Variants in WASHC4 observed in about 807,000 individuals in gnomAD.
WASHC4 encodes the protein WASH complex subunit 7.
WASHC4 carries 86 observed loss-of-function variants against 166.6 expected under a neutral mutation model. That is an observed-to-expected ratio of 0.52 (90% CI 0.43 to 0.62). The LOEUF (loss-of-function observed/expected upper bound fraction) is 0.62. Ranked by LOEUF, WASHC4 falls within the 20% of genes least tolerant of loss-of-function variation. The pLI is 0.00. For synonymous variants in WASHC4, 446 were observed against 451.6 expected (o/e 0.99, Z 0.16); for missense variants, 1,262 against 1,382.4 (o/e 0.91, Z 1.38).
intron 2 of WASHC4, among the ~76,000 whole-genome samples, chr12:105,113,436 T>C (rs1191946907): frequency 1.3e-5 from 2 of 152,032 alleles, no homozygotes; most frequent in African/African-American, 4.8e-5. Context: ...TACAATCTTA[T>C]TATATGACAG....
At chr12:105,114,916 C>A (rs1157252268) in intron 4 of WASHC4, among the ~76,000 whole-genome samples, 1 of 151,858 alleles carries the variant, frequency 6.6e-6, no homozygotes, top group African/African-American at 2.4e-5. Flanking sequence ...CTTTATTTCC[C>A]ATAAACTAAT....
chr12:105,113,630 A>G (rs866441754), intron 2 of WASHC4, among the ~76,000 whole-genome samples: 3 of 152,036 alleles, frequency 2.0e-5, no homozygotes, highest in South Asian at 4.1e-4. Flanking sequence ...TACTTGCATA[A>G]ATAGTTAGTT....
intron 8 of WASHC4, 93 bp downstream of exon 8, chr12:105,120,690 A>T: frequency 1.1e-6 from 1 of 891,148 alleles, no homozygotes; most frequent in Non-Finnish European, 1.9e-6. Flanking sequence ...AGTCATAGGA[A>T]CACTCTTAAA....
intron 7 of WASHC4, 125 bp downstream of exon 7, chr12:105,118,653 A>C (rs894614185): frequency 1.4e-6 from 1 of 717,182 alleles, no homozygotes; most frequent in East Asian, 2.7e-5. Flanking sequence ...GATATTTCAA[A>C]CACTACTTGA....
At chr12:105,136,052 C>T (rs1882289178) in intron 14 of WASHC4, among the ~76,000 whole-genome samples, 1 of 152,104 alleles carries the variant, frequency 6.6e-6, no homozygotes, top group South Asian at 2.1e-4. Context: ...GGACGGTTAG[C>T]AACCCAGGTT....
At chr12:105,114,090 G>T in intron 2 of WASHC4, 126 bp from the exon 3 acceptor site, 56 of 703,172 alleles carry the variant, frequency 8.0e-5, no homozygotes, top group East Asian at 1.2e-4. Context: ...TAGTTGATAT[G>T]GTGCTAATGT....
At chr12:105,156,561 A>G in intron 26 of WASHC4, 165 bp from the exon 27 acceptor site, 1 of 509,482 alleles carries the variant, frequency 2.0e-6, no homozygotes, top group Non-Finnish European at 3.5e-6. Context: ...GTGTAGAAAT[A>G]TGTAACAGTT....
Position 105,157,228 on chromosome 12 carries a change from T to C in WASHC4, c.2826-8T>C. Reference sequence around the variant, plus strand: ...ACCTAATAAATGCCTTCCCAAATTCTTATGTAGATTTGTTCCTGATCTTGA... The same window carrying C: ...ACCTAATAAATGCCTTCCCAAATTCCTATGTAGATTTGTTCCTGATCTTGA... On this transcript the variant is annotated splice_region_variant and splice_polypyrimidine_tract_variant and intron_variant, in intron 27 of 32. Coordinates refer to ENST00000332180, the MANE Select transcript of WASHC4 (RefSeq NM_015275.3). 1 of 1,401,840 alleles carries C rather than the reference T, an allele frequency of 7.1e-7. No homozygotes were observed. The allele number at this position is 1,401,840 out of a possible 1,614,324, so 86.8% of individuals were successfully genotyped here. A position where few individuals can be genotyped will look rare whatever the true frequency, so the allele number is the denominator to read the frequency against.
intron 32 of WASHC4, among the ~76,000 whole-genome samples, chr12:105,166,344 T>A (rs932773401): frequency 6.6e-6 from 1 of 152,200 alleles, no homozygotes; most frequent in Non-Finnish European, 1.5e-5. Context: ...AGTGAAAAGC[T>A]GTTTCATTTA....
At chr12:105,115,348 T>G in intron 5 of WASHC4, 119 bp downstream of exon 5, 1 of 775,778 alleles carries the variant, frequency 1.3e-6, no homozygotes, top group Non-Finnish European at 2.3e-6. Flanking sequence ...GTATTCATAT[T>G]TTTTGTTGGT....
rs557844751 is a variant in WASHC4 at position 105,130,627 on chromosome 12, C to G, written c.1200-3143C>G. The stretch of plus-strand genomic sequence containing the variant: ...ATTTTAGAGAAAGTTGAGGGGTTGT[C>G]TAAGAGGTGTCCCAAGGTCAGGCTT... On this transcript the variant is annotated intron_variant, in intron 13 of 32. Transcript: ENST00000332180. Among the ~76,000 whole-genome samples, 3 of 152,268 alleles carry G rather than the reference C, an allele frequency of 2.0e-5. No individual in the cohort carries two copies. The East Asian group carries it at 5.8e-4, about 29-fold the overall frequency.
chr12:105,144,492 CTTT>C (rs370837338), intron 21 of WASHC4, 37 bp downstream of exon 21: 15,235 of 1,291,804 alleles, frequency 0.012, no homozygotes, highest in Non-Finnish European at 0.013. Context: ...GTCATATTCT[CTTT>C]TTTTTTTTTT....
Position 105,140,888 on chromosome 12 carries a change from T to C in WASHC4, c.1561-11T>C, listed in dbSNP as rs1566015411. 1.9e-6 allele frequency: 3 copies of C among 1,612,858 alleles called. No individual in the cohort carries two copies. The highest frequency in any genetic ancestry group is 2.5e-6 in the Non-Finnish European group (3 of 1,179,594). On this transcript the variant is annotated splice_polypyrimidine_tract_variant and intron_variant, in intron 16 of 32. Transcript: ENST00000332180. ...CTCAGAAACAAATAGTTTTCCTGTTTTATTTTTAAGAAAAGAGTGATTTCT... is the reference window on the plus strand; with the variant it reads ...CTCAGAAACAAATAGTTTTCCTGTTCTATTTTTAAGAAAAGAGTGATTTCT...
chr12:105,131,337 C>T (rs559183112), intron 13 of WASHC4, among the ~76,000 whole-genome samples: 5 of 152,104 alleles, frequency 3.3e-5, no homozygotes, highest in East Asian at 1.9e-4. Context: ...CCACCCGCCT[C>T]GGCCTCCCAA....
rs779310701 is a variant in WASHC4, at chr12:105,152,408, A to T, written c.2715A>T (p.Gly905=). 3.7e-5 allele frequency: 60 copies of T among 1,606,570 alleles called. No homozygotes were observed. The highest frequency in any genetic ancestry group is 4.8e-5 in the Non-Finnish European group (56 of 1,173,380). ...GAAAACTTGGAGTAACACCTGAGGG[A>T]CAGAGCTACCTTGATCAATTCAGGC... The part of the protein sequence containing the change: ...GIRKLGVTPE[G]QSYLDQFRQL... The change falls in exon 26 of 33, where the codon GGA becomes GGT. Residue 905 remains glycine (G), a synonymous_variant. Coordinates refer to ENST00000332180, the MANE Select transcript of WASHC4 (RefSeq NM_015275.3).
intron 7 of WASHC4, among the ~76,000 whole-genome samples, chr12:105,118,924 T>C (rs986066597): frequency 6.6e-6 from 1 of 152,164 alleles, no homozygotes; most frequent in African/African-American, 2.4e-5. Flanking sequence ...GAATCTACAT[T>C]GAAGAAATTT....
chr12:105,111,319 C>A, intron 2 of WASHC4, 55 bp downstream of exon 2: 1 of 1,123,330 alleles, frequency 8.9e-7, no homozygotes, highest in Non-Finnish European at 1.3e-6. Context: ...ATACTATATC[C>A]TGAAAACATA....
intron 32 of WASHC4, among the ~76,000 whole-genome samples, chr12:105,165,379 A>G (rs1444608): frequency 0.11 from 16,054 of 152,236 alleles, 909 homozygotes; most frequent in East Asian, 0.23. Flanking sequence ...TCCCCATGAT[A>G]TATTTCTCTC....
At chr12:105,108,023 T>C (rs1360176773) in intron 1 of WASHC4, among the ~76,000 whole-genome samples, 162 bp downstream of exon 1, 1 of 152,110 alleles carries the variant, frequency 6.6e-6, no homozygotes, top group African/African-American at 2.4e-5. Context: ...CCAGCGTTAC[T>C]TTCGGGGTTG....
Sources: allele counts gnomAD v4.1 joint callset (sites outside exome capture counted in the v4.1 genomes callset), GRCh38; gene constraint gnomAD v4.1.1; transcripts MANE v1.5; gene names NCBI Gene and HGNC (gene_info 2026-07-23, HGNC 2026-07-21).